Variants in GRAMD1B observed in about 807,000 individuals in gnomAD.
The protein encoded by GRAMD1B is GRAM domain containing 1B, also known as protein Aster-B.
GRAMD1B carries 37 observed loss-of-function variants against 99.7 expected under a neutral mutation model. The observed-to-expected ratio is 0.37, with a 90% CI of 0.29 to 0.49. The LOEUF (loss-of-function observed/expected upper bound fraction) is 0.49. GRAMD1B is among the 20% of genes least tolerant of loss of function. The pLI is 0.98. For missense variants in GRAMD1B, 888 were observed against 1,009.2 expected (o/e 0.88, Z 1.63); for synonymous variants, 427 against 387.6 (o/e 1.10, Z -1.19).
At chr11:123,550,939 T>A (rs746762465) in intron 2 of GRAMD1B, among the ~76,000 whole-genome samples, 4 of 152,174 alleles carry the variant, frequency 2.6e-5, no homozygotes, top group Non-Finnish European at 5.9e-5. Flanking sequence ...TCACACACAT[T>A]CTTTGGTGGT....
At chr11:123,434,472 G>A (rs1002786717) in intron 1 of GRAMD1B, among the ~76,000 whole-genome samples, 85 of 152,196 alleles carry the variant, frequency 5.6e-4, no homozygotes, top group African/African-American at 2.0e-3. Flanking sequence ...ATAGGTGCTC[G>A]TAGATACCAC....
chr11:123,372,132 C>T (rs1380179972), intron 1 of GRAMD1B, among the ~76,000 whole-genome samples: 1 of 152,238 alleles, frequency 6.6e-6, no homozygotes, highest in African/African-American at 2.4e-5. Flanking sequence ...ATTTCTTCCA[C>T]TGTTATTACA....
Position 123,614,778 on chromosome 11 carries a change from C to A in GRAMD1B, c.2261C>A (p.Thr754Asn), listed in dbSNP as rs761185461. ...CAGACGCGGCATATCCCGGAGGACA[C>A]CCCCAACGGTTTCCACCTGCAGAGC... Reference protein sequence around the residue: ...STQTRHIPEDTPNGFHLQSVS... With the variant: ...STQTRHIPEDNPNGFHLQSVS... Residue 754 changes from threonine (T) to asparagine (N), a missense_variant, in exon 17 of 20, where the codon ACC becomes AAC. Coordinates refer to ENST00000635736, the MANE Select transcript of GRAMD1B (RefSeq NM_001387025.1). 2.5e-6 allele frequency: 4 copies of A among 1,611,460 alleles called. No homozygotes were observed. The highest frequency in any genetic ancestry group is 2.7e-5 in the African/African-American group (2 of 74,870).
intron 4 of GRAMD1B, among the ~76,000 whole-genome samples, chr11:123,584,734 C>G (rs1287370077): frequency 6.6e-6 from 1 of 152,112 alleles, no homozygotes; most frequent in Admixed American, 6.5e-5. Context: ...AGAAAACTTT[C>G]CCCCATTGAT....
In GRAMD1B at chr11:123,613,659, G is replaced by T; in HGVS notation, c.2227+1G>T. The T allele has an allele frequency of 6.2e-7, 1 of 1,611,612 alleles. No individual in the cohort carries two copies. Among genetic ancestry groups the T allele is most frequent in the Non-Finnish European group, 8.5e-7 (1 of 1,178,746 alleles). ...GGCCACAGGATCAAACATGTGGCAG[G>T]TGTGTGCCAGGTGGGGACAGGTCGG... On this transcript the variant is annotated splice_donor_variant, in intron 16 of 19. Transcript: ENST00000635736. LOFTEE classifies it high-confidence loss of function.
chr11:123,393,868 C>T (rs1330627785), intron 1 of GRAMD1B, among the ~76,000 whole-genome samples: 1 of 152,068 alleles, frequency 6.6e-6, no homozygotes, highest in African/African-American at 2.4e-5. Context: ...GCCAGCACCT[C>T]GACTGGGGCT....
intron 2 of GRAMD1B, among the ~76,000 whole-genome samples, chr11:123,548,325 T>TATATATATACACACAC (rs1555067740): frequency 2.3e-5 from 2 of 86,840 alleles, no homozygotes; most frequent in African/African-American, 1.0e-4. Flanking sequence ...TATATATATA[T>TATATATATACACACAC]ACACACACAC....
chr11:123,465,204 G>T (rs73609928), intron 1 of GRAMD1B, among the ~76,000 whole-genome samples: 5 of 152,250 alleles, frequency 3.3e-5, no homozygotes, highest in African/African-American at 9.6e-5. Flanking sequence ...CTTTTCAGAG[G>T]TTGGTAGGGG....
At chr11:123,428,365 T>C (rs540064189), upstream of GRAMD1B, among the ~76,000 whole-genome samples, 5 of 152,314 alleles carry the variant, frequency 3.3e-5, no homozygotes, top group South Asian at 8.3e-4. Context: ...TGACACCTGA[T>C]GGCAAGGGGT....
At chr11:123,518,774 C>T (rs1283048833) in intron 2 of GRAMD1B, among the ~76,000 whole-genome samples, 8 of 152,130 alleles carry the variant, frequency 5.3e-5, no homozygotes, top group Non-Finnish European at 1.2e-4. Context: ...GAGCCATCCA[C>T]GGAAGCCCTG....
Position 123,430,395 on chromosome 11 carries a change from C to A in GRAMD1B, c.-398C>A. The A allele has an allele frequency of 4.7e-6, 1 of 214,182 alleles. No homozygotes were observed. The highest frequency in any genetic ancestry group is 9.1e-6 in the Non-Finnish European group (1 of 109,330). The allele number at this position is 214,182 out of a possible 1,614,324, so 13.3% of individuals were successfully genotyped here. A position where few individuals can be genotyped will look rare whatever the true frequency, so the allele number is the denominator to read the frequency against. The stretch of plus-strand genomic sequence containing the variant: ...CTGAACGCAAACCGCTGAGAGTTTG[C>A]TGCACCGCCCCCTGGGGCCCCTGGC... On this transcript the variant is annotated 5_prime_UTR_variant, in exon 1 of 20. It adds an upstream start codon to the 5' untranslated region. Transcript: ENST00000635736.
At chr11:123,377,971 C>T (rs1052537688) in intron 1 of GRAMD1B, among the ~76,000 whole-genome samples, 3 of 152,178 alleles carry the variant, frequency 2.0e-5, no homozygotes, top group African/African-American at 4.8e-5. Flanking sequence ...TGGAAAGGTG[C>T]TCAGCACACT....
chr11:123,512,806 A>G (rs1485426066), intron 2 of GRAMD1B, among the ~76,000 whole-genome samples: 1 of 149,576 alleles, frequency 6.7e-6, no homozygotes, highest in Non-Finnish European at 1.5e-5. Context: ...AGGGCTCTGA[A>G]TGGACTTCAG....
intron 2 of GRAMD1B, among the ~76,000 whole-genome samples, chr11:123,566,469 G>A (rs983887454): frequency 5.9e-5 from 9 of 152,204 alleles, no homozygotes; most frequent in Non-Finnish European, 7.3e-5. Context: ...ATGGCTTTAA[G>A]AAGATCCCAC....
intron 3 of GRAMD1B, among the ~76,000 whole-genome samples, chr11:123,583,986 G>A (rs2136337758): frequency 6.6e-6 from 1 of 152,192 alleles, no homozygotes; most frequent in Admixed American, 6.5e-5. Flanking sequence ...TGGGGACTGG[G>A]TCTCCAATGC....
chr11:123,606,627 G>A lies in GRAMD1B; in HGVS notation c.1342G>A (p.Glu448Lys), dbSNP rs1383849253. ...APVSFDGLPL[E>K]EEALEGDGSL... ...GCTCCAGTTTGATGGGCTGCCCCTG[G>A]AGGAAGAGGCGCTGGAGGGAGACGG... Residue 448 changes from glutamate (E) to lysine (K), a missense_variant, in exon 11 of 20, where the codon GAG (glutamate) becomes AAG (lysine). Glu to Lys is a moderately conservative substitution (Grantham distance 56). This residue lies in a region of GRAMD1B where 269 missense variants were observed against 296.6 expected (regional missense o/e 0.91). Transcript: ENST00000635736. 1 of 1,611,520 alleles carries A rather than the reference G, an allele frequency of 6.2e-7. No homozygotes were observed. Among genetic ancestry groups the A allele is most frequent in the Non-Finnish European group, 8.5e-7 (1 of 1,179,030 alleles).
At chr11:123,373,510 A>G (rs77333332) in intron 1 of GRAMD1B, among the ~76,000 whole-genome samples, 1 of 152,200 alleles carries the variant, frequency 6.6e-6, no homozygotes, top group Non-Finnish European at 1.5e-5. Flanking sequence ...GGTAGATTTG[A>G]TGTTTATTGA....
chr11:123,444,573 T>C (rs965294574), intron 1 of GRAMD1B, among the ~76,000 whole-genome samples: 2 of 152,080 alleles, frequency 1.3e-5, no homozygotes, highest in Admixed American at 1.3e-4. Flanking sequence ...CCCACGTCTT[T>C]CCATGGCCCG....
chr11:123,535,339 A>T (rs1367017502), intron 2 of GRAMD1B, among the ~76,000 whole-genome samples: 1 of 151,970 alleles, frequency 6.6e-6, no homozygotes, highest in African/African-American at 2.4e-5. Flanking sequence ...AGTCTCAAAC[A>T]GGTCTTAAAT....
Sources: gnomAD v4.1 joint callset for allele counts (sites outside exome capture counted in the v4.1 genomes callset) on GRCh38, gnomAD v4.1.1 for gene constraint, gnomAD v4.1.1 regional missense constraint, MANE v1.5 for transcripts, NCBI Gene and HGNC (gene_info 2026-07-23, HGNC 2026-07-21) for gene names.